Variants in ZFP90 observed in about 807,000 individuals in gnomAD.
ZFP90 encodes the protein ZFP90 zinc finger protein.
Under a neutral mutation model 60.8 loss-of-function variants are expected in ZFP90, and 38 were observed. The ratio of observed to expected loss-of-function variants is 0.62; its 90% CI spans 0.48 to 0.82. The LOEUF (loss-of-function observed/expected upper bound fraction) is 0.82, where lower values mean the gene tolerates loss of function less well. Among genes scored for constraint, ZFP90 ranks in the 40% least tolerant of loss-of-function variants. The pLI, the probability that ZFP90 is intolerant of heterozygous loss-of-function variation, is 0.00. For missense variants in ZFP90, 711 were observed against 759.1 expected (o/e 0.94, Z 0.74); for synonymous variants, 287 against 264.8 (o/e 1.08, Z -0.82).
upstream of ZFP90, chr16:68,535,375 A>G (rs1193158769): frequency 9.2e-5 from 14 of 152,190 alleles, no homozygotes; most frequent in Admixed American, 9.2e-4. Flanking sequence ...AGTCTCTACC[A>G]TGGGAGTATT....
At chr16:68,558,299 G>C (rs1175640327) in intron 3 of ZFP90, 174 bp from the exon 4 acceptor site, 1 of 1,196,210 alleles carries the variant, frequency 8.4e-7, no homozygotes, top group Non-Finnish European at 1.2e-6. Flanking sequence ...TTAGGTAAAA[G>C]GTCTTTATTT....
At position 68,565,868 on chromosome 16, in the gene ZFP90, T is replaced by C; in HGVS notation, c.*1170T>C. On this transcript the variant is annotated 3_prime_UTR_variant, in exon 5 of 5. Coordinates refer to ENST00000563169, the MANE Select transcript of ZFP90 (RefSeq NM_001305203.2). ...GGCTAGGTATGGTGTCTCACACCTGTAATCCCAGCACTTTGGGTGGCTAAG... is the reference window on the plus strand; with the variant it reads ...GGCTAGGTATGGTGTCTCACACCTGCAATCCCAGCACTTTGGGTGGCTAAG... The C allele has an allele frequency of 1.0e-6, 1 of 982,732 alleles. No homozygotes were observed. Among genetic ancestry groups the C allele is most frequent in the Non-Finnish European group, 1.2e-6 (1 of 827,634 alleles). 60.9% of individuals were successfully genotyped at this position (982,732 alleles called of 1,614,324 possible).
chr16:68,566,163 C>T lies in ZFP90; in HGVS notation c.*1465C>T. The T allele has an allele frequency of 1.0e-6, 1 of 985,462 alleles. No homozygotes were observed. Among genetic ancestry groups the T allele is most frequent in the Non-Finnish European group, 1.2e-6 (1 of 829,932 alleles). The allele number at this position is 985,462 out of a possible 1,614,324, so 61.0% of individuals were successfully genotyped here. On this transcript the variant is annotated 3_prime_UTR_variant, in exon 5 of 5. Coordinates refer to ENST00000563169, the MANE Select transcript of ZFP90 (RefSeq NM_001305203.2). The stretch of plus-strand genomic sequence containing the variant: ...TTTATTTTAGTTGTATAATGCTTTT[C>T]TATTAGTAAAGCATCAGCTAAGCTT...
rs2091468905 is a variant in ZFP90, at chr16:68,563,514, A to G, written c.727A>G (p.Thr243Ala). 6.2e-7 allele frequency: 1 copy of G among 1,614,244 alleles called. No homozygotes were observed. Among genetic ancestry groups the G allele is most frequent in the Non-Finnish European group, 8.5e-7 (1 of 1,180,042 alleles). ...AGGAGAGGGAGCTTTCCCTAATGGA[A>G]CAGATCAAGGAATTTATCCTGGAAA... Reference protein sequence around the residue: ...HKGEGAFPNGTDQGIYPGKKH... With the variant: ...HKGEGAFPNGADQGIYPGKKH... Residue 243 changes from threonine (T) to alanine (A), a missense_variant, in exon 5 of 5, where the codon ACA (threonine) becomes GCA (alanine). Transcript: ENST00000563169.
downstream of ZFP90, among the ~76,000 whole-genome samples, chr16:68,569,454 G>A (rs1171272467): frequency 6.6e-6 from 1 of 152,130 alleles, no homozygotes; most frequent in Admixed American, 6.6e-5. Flanking sequence ...CACTTTTCTT[G>A]TATGCTATCC....
chr16:68,548,474 C>CTTTTTTT (rs551779570), intron 2 of ZFP90, among the ~76,000 whole-genome samples: 36 of 81,088 alleles, frequency 4.4e-4, no homozygotes, highest in African/African-American at 1.6e-3. Context: ...GTTTATCCTC[C>CTTTTTTT]TTTTTTTTTT....
At chr16:68,545,171 G>A (rs998134667) in intron 2 of ZFP90, among the ~76,000 whole-genome samples, 3 of 151,776 alleles carry the variant, frequency 2.0e-5, no homozygotes, top group African/African-American at 4.8e-5. Flanking sequence ...GAGCCACCGC[G>A]CCCGGCCCAT....
chr16:68,534,822 G>A (rs1416151475), upstream of ZFP90, among the ~76,000 whole-genome samples: 3 of 151,894 alleles, frequency 2.0e-5, no homozygotes, highest in Non-Finnish European at 4.4e-5. Context: ...CAGGAGAATG[G>A]TGTGAACCTG....
intron 2 of ZFP90, among the ~76,000 whole-genome samples, chr16:68,554,455 T>G (rs1007019507): frequency 6.6e-6 from 1 of 152,180 alleles, no homozygotes; most frequent in African/African-American, 2.4e-5. Context: ...GTGAAGTGTT[T>G]GTGAACATGA....
downstream of ZFP90, among the ~76,000 whole-genome samples, chr16:68,568,747 C>T (rs1212058247): frequency 6.6e-6 from 1 of 152,166 alleles, no homozygotes; most frequent in Non-Finnish European, 1.5e-5. Flanking sequence ...AGTACGATCT[C>T]AGCTCACTGC....
At chr16:68,542,968 C>T (rs1307941439) in intron 2 of ZFP90, among the ~76,000 whole-genome samples, 2 of 152,044 alleles carry the variant, frequency 1.3e-5, no homozygotes, top group African/African-American at 2.4e-5. Context: ...TGTATGGTAT[C>T]CTAGAAGGCA....
At position 68,539,754 on chromosome 16, in the gene ZFP90, C is replaced by T. The variant is rs1347057003; in HGVS notation, c.-35-4C>T. 3 of 1,556,968 alleles carry T rather than the reference C, an allele frequency of 1.9e-6. No individual in the cohort carries two copies. The African/African-American group carries it at 4.1e-5, about 21-fold the overall frequency. ...GGTGAGTGGGCCCTGTCCTTTCTCCCCAGCTCCTGCCCCGGAGCCGGGCCC... is the reference window on the plus strand; with the variant it reads ...GGTGAGTGGGCCCTGTCCTTTCTCCTCAGCTCCTGCCCCGGAGCCGGGCCC... On this transcript the variant is annotated splice_polypyrimidine_tract_variant and splice_region_variant and intron_variant, in intron 1 of 4. Transcript: ENST00000563169.
chr16:68,541,006 C>T (rs1248851595), intron 2 of ZFP90, among the ~76,000 whole-genome samples: 3 of 149,160 alleles, frequency 2.0e-5, no homozygotes, highest in African/African-American at 4.9e-5. Flanking sequence ...CCATGGTGCA[C>T]GCCACCATGC....
At chr16:68,567,270 T>C (rs2091542013), downstream of ZFP90, 1 of 609,314 alleles carries the variant, frequency 1.6e-6, no homozygotes, top group African/African-American at 2.0e-5. Flanking sequence ...CTTACTACTT[T>C]AAAGACATTG....
In ZFP90 at chr16:68,566,419, C is replaced by T. The variant is rs1391805998; in HGVS notation, c.*1721C>T. ...GATGGTGAACCTTTCCTACTGGATT[C>T]TTTGCATGCCACATAGCAGGATTCA... is the stretch of plus-strand genomic sequence containing the variant. On this transcript the variant is annotated 3_prime_UTR_variant, in exon 5 of 5. Transcript: ENST00000563169. 1.0e-6 allele frequency: 1 copy of T among 985,556 alleles called. No individual in the cohort carries two copies. The highest frequency in any genetic ancestry group is 1.2e-6 in the Non-Finnish European group (1 of 829,918). The allele number at this position is 985,556 out of a possible 1,614,324, so 61.1% of individuals were successfully genotyped here. A position where few individuals can be genotyped will look rare whatever the true frequency, so the allele number is the denominator to read the frequency against.
Position 68,564,400 on chromosome 16 carries a change from C to A in ZFP90, c.1613C>A (p.Ser538Ter). ...NECGEAFSRR[S>*]SLTQHERTHT... ...TGTGGAGAAGCCTTTAGTCGACGCT[C>A]ATCGCTTACTCAACATGAGAGAACC... The change falls in exon 5 of 5, where the codon TCA becomes TAA. Residue 538 changes from serine (S) to a stop codon, truncating the protein, a stop_gained. Coordinates refer to ENST00000563169, the MANE Select transcript of ZFP90 (RefSeq NM_001305203.2). LOFTEE classifies it high-confidence loss of function. 1 of 1,613,974 alleles carries A rather than the reference C, an allele frequency of 6.2e-7. No individual in the cohort carries two copies. Among genetic ancestry groups the A allele is most frequent in the South Asian group, 1.1e-5 (1 of 91,042 alleles).
chr16:68,544,036 T>G (rs1245423897), intron 2 of ZFP90, among the ~76,000 whole-genome samples: 1 of 152,156 alleles, frequency 6.6e-6, no homozygotes, highest in African/African-American at 2.4e-5. Context: ...GTATTTTTAC[T>G]AGAGATGGGG....
In ZFP90 at chr16:68,566,059, G is replaced by A. The variant is rs938946254; in HGVS notation, c.*1361G>A. ...TGAGGTGGGAGGATCACTGGAACCC[G>A]GGAGCAGAGACTGCAGTGAGCTGAG... is the stretch of plus-strand genomic sequence containing the variant. On this transcript the variant is annotated 3_prime_UTR_variant, in exon 5 of 5. Coordinates refer to ENST00000563169, the MANE Select transcript of ZFP90 (RefSeq NM_001305203.2). The A allele has an allele frequency of 2.1e-5, 20 of 943,020 alleles. No individual in the cohort carries two copies. The Admixed American group carries it at 5.6e-4, about 26-fold the overall frequency. 58.4% of individuals were successfully genotyped at this position (943,020 alleles called of 1,614,324 possible).
chr16:68,541,010 A>ACC (rs2091039012), intron 2 of ZFP90, among the ~76,000 whole-genome samples: 1 of 146,500 alleles, frequency 6.8e-6, no homozygotes, highest in Non-Finnish European at 1.5e-5. Flanking sequence ...GGTGCACGCC[A>ACC]CCATGCCCGG....
Sources: allele counts gnomAD v4.1 joint callset (sites outside exome capture counted in the v4.1 genomes callset), GRCh38; gene constraint gnomAD v4.1.1; transcripts MANE v1.5; gene names NCBI Gene and HGNC (gene_info 2026-07-23, HGNC 2026-07-21).